Variants in TENM4 observed in about 807,000 individuals in gnomAD.
The protein encoded by TENM4 is teneurin transmembrane protein 4, also known as teneurin-4.
TENM4 carries 82 observed loss-of-function variants against 243.3 expected under a neutral mutation model. The ratio of observed to expected loss-of-function variants is 0.34; its 90% CI spans 0.28 to 0.40. The LOEUF is 0.40. Ranked by LOEUF, TENM4 falls within the 10% of genes least tolerant of loss-of-function variation. TENM4 has a pLI of 1.00. For synonymous variants in TENM4, 1,412 were observed against 1,456.3 expected (o/e 0.97, Z 0.69); for missense variants, 3,138 against 3,673.3 (o/e 0.85, Z 3.77).
intron 1 of TENM4, among the ~76,000 whole-genome samples, chr11:79,409,102 G>GCA (rs1491540754): frequency 3.9e-5 from 2 of 51,240 alleles, no homozygotes; most frequent in Non-Finnish European, 8.7e-5. Flanking sequence ...GTGTGTGTGT[G>GCA]CGCGCGCGCG....
chr11:78,886,967 A>T (rs1226854348), intron 9 of TENM4, among the ~76,000 whole-genome samples: 2 of 152,102 alleles, frequency 1.3e-5, no homozygotes, highest in African/African-American at 2.4e-5. Flanking sequence ...GCTTTTCCTG[A>T]CTAGTTGACT....
intron 2 of TENM4, among the ~76,000 whole-genome samples, chr11:79,284,922 A>G (rs2135371054): frequency 6.6e-6 from 1 of 152,312 alleles, no homozygotes; most frequent in South Asian, 2.1e-4. Context: ...ACAAGAAAAA[A>G]TTGCCATAAG....
At chr11:79,322,529 C>T (rs1370441132) in intron 1 of TENM4, among the ~76,000 whole-genome samples, 1 of 152,070 alleles carries the variant, frequency 6.6e-6, no homozygotes, top group African/African-American at 2.4e-5. Flanking sequence ...CCACCCTGCT[C>T]TAGTGCCAAG....
chr11:79,342,206 A>T (rs973436806), intron 1 of TENM4, among the ~76,000 whole-genome samples: 2 of 152,190 alleles, frequency 1.3e-5, no homozygotes, highest in Non-Finnish European at 2.9e-5. Context: ...GCCAGAATGC[A>T]GATATGGAGA....
intron 1 of TENM4, among the ~76,000 whole-genome samples, chr11:79,311,327 C>A (rs944911494): frequency 6.6e-6 from 1 of 152,160 alleles, no homozygotes; most frequent in African/African-American, 2.4e-5. Context: ...AGGACTTCTG[C>A]GATGACAGTG....
intron 17 of TENM4, among the ~76,000 whole-genome samples, chr11:78,776,696 A>C (rs1183069475): frequency 6.6e-6 from 1 of 152,180 alleles, no homozygotes; most frequent in Non-Finnish European, 1.5e-5. Flanking sequence ...TTTGCCAAGA[A>C]ACATTTGCCT....
intron 3 of TENM4, among the ~76,000 whole-genome samples, chr11:79,180,247 C>T (rs1288171579): frequency 6.6e-6 from 1 of 151,678 alleles, no homozygotes; most frequent in African/African-American, 2.4e-5. Context: ...TTATGATTCA[C>T]CCTCCACTCT....
At chr11:79,283,468 C>A (rs566314943) in intron 2 of TENM4, among the ~76,000 whole-genome samples, 3 of 151,994 alleles carry the variant, frequency 2.0e-5, no homozygotes, top group African/African-American at 2.4e-5. Context: ...AAAAACCACA[C>A]GATTATGTCA....
intron 6 of TENM4, among the ~76,000 whole-genome samples, chr11:78,979,322 G>C (rs1257281447): frequency 1.3e-5 from 2 of 152,162 alleles, no homozygotes; most frequent in Non-Finnish European, 2.9e-5. Context: ...ACCTGCCTTT[G>C]GGAAGTTCCC....
intron 2 of TENM4, among the ~76,000 whole-genome samples, chr11:79,250,047 G>A (rs369246309): frequency 1.4e-4 from 22 of 152,192 alleles, no homozygotes; most frequent in African/African-American, 4.3e-4. Flanking sequence ...GTGCAATGGC[G>A]TGATCTCAGC....
intron 2 of TENM4, among the ~76,000 whole-genome samples, chr11:79,268,224 C>T (rs965421988): frequency 7.2e-5 from 11 of 152,128 alleles, no homozygotes; most frequent in African/African-American, 2.4e-4. Flanking sequence ...ATAATTTAAG[C>T]TTTGTGGGCT....
intron 6 of TENM4, among the ~76,000 whole-genome samples, chr11:78,992,026 T>C (rs1281654783): frequency 6.6e-6 from 1 of 152,234 alleles, no homozygotes; most frequent in Non-Finnish European, 1.5e-5. Context: ...AAATAGTGAC[T>C]CATTAACTTC....
chr11:78,862,257 C>CTACATT (rs1330326340), intron 10 of TENM4, among the ~76,000 whole-genome samples: 1 of 152,144 alleles, frequency 6.6e-6, no homozygotes, highest in Non-Finnish European at 1.5e-5. Flanking sequence ...CTACCATTTA[C>CTACATT]TGGCTGTGTG....
chr11:78,962,579 AAG>A (rs1857353109), intron 6 of TENM4, among the ~76,000 whole-genome samples: 1 of 152,072 alleles, frequency 6.6e-6, no homozygotes, highest in South Asian at 2.1e-4. Flanking sequence ...CAGGCTGGCA[AAG>A]AGGGAATCTC....
intron 2 of TENM4, among the ~76,000 whole-genome samples, chr11:79,278,610 C>G (rs1313276608): frequency 3.9e-5 from 6 of 152,188 alleles, no homozygotes; most frequent in Non-Finnish European, 8.8e-5. Context: ...ATTCTTGCCA[C>G]TTCATCTTTG....
chr11:78,825,997 T>C (rs1456321489), intron 12 of TENM4, among the ~76,000 whole-genome samples: 2 of 151,888 alleles, frequency 1.3e-5, no homozygotes. Context: ...GAGCTGCTAA[T>C]TAGTCTCCAA....
intron 6 of TENM4, among the ~76,000 whole-genome samples, chr11:78,967,158 G>C (rs1857454769): frequency 6.6e-6 from 1 of 152,068 alleles, no homozygotes; most frequent in African/African-American, 2.4e-5. Flanking sequence ...ACCCCCTCTA[G>C]GTGCTCCCAC....
chr11:79,064,694 C>A (rs938705028), intron 6 of TENM4, 44 bp downstream of exon 6: 2 of 1,548,144 alleles, frequency 1.3e-6, no homozygotes, highest in African/African-American at 2.7e-5. Context: ...AAAACCCCAG[C>A]CCCACCACCC....
chr11:79,150,306 C>T (rs913859060), intron 3 of TENM4, among the ~76,000 whole-genome samples: 5 of 152,102 alleles, frequency 3.3e-5, no homozygotes, highest in African/African-American at 7.2e-5. Flanking sequence ...CTCAAATAAG[C>T]CTGGTGTTAG....
Sources: gnomAD v4.1 joint callset for allele counts (sites outside exome capture counted in the v4.1 genomes callset) on GRCh38, gnomAD v4.1.1 for gene constraint, MANE v1.5 for transcripts, NCBI Gene and HGNC (gene_info 2026-07-23, HGNC 2026-07-21) for gene names.